The following TRIM6 variants were observed in gnomAD, a reference collection of about 807,000 sequenced individuals.
TRIM6 encodes the protein tripartite motif containing 6, also known as tripartite motif-containing protein 6.
TRIM6 carries 43 observed loss-of-function variants against 51.2 expected under a neutral mutation model. The ratio of observed to expected loss-of-function variants is 0.84; its 90% CI spans 0.66 to 1.08. The LOEUF (loss-of-function observed/expected upper bound fraction) is 1.08, where lower values mean the gene tolerates loss of function less well. Among genes scored for constraint, TRIM6 ranks in the 50% least tolerant of loss-of-function variants. The pLI is 0.00. For synonymous variants in TRIM6, 215 were observed against 232.4 expected (o/e 0.93, Z 0.68); for missense variants, 669 against 619.0 (o/e 1.08, Z -0.86).
Position 5,605,348 on chromosome 11 carries a change from G to A in TRIM6, c.615G>A (p.Glu205=). The change falls in exon 4 of 8, where the codon GAG becomes GAA. Residue 205 remains glutamate (E), a synonymous_variant. Transcript: ENST00000380097. ...EKKTSWKNQM[E]PERCRIQTEF... Reference sequence around the variant, plus strand: ...CCCTGTTCCTGAAGAATCAGATGGAGCCTGAGAGATGCAGGATCCAGACAG... The same window carrying A: ...CCCTGTTCCTGAAGAATCAGATGGAACCTGAGAGATGCAGGATCCAGACAG... The A allele has an allele frequency of 1.9e-6, 3 of 1,614,128 alleles. No individual in the cohort carries two copies. Among genetic ancestry groups the A allele is most frequent in the Non-Finnish European group, 1.7e-6 (2 of 1,180,034 alleles).
intron 2 of TRIM6, 56 bp from the exon 3 acceptor site, chr11:5,604,478 G>A: frequency 6.4e-7 from 1 of 1,561,658 alleles, no homozygotes. Flanking sequence ...TTCTATGTCT[G>A]GGTACTGAGT....
Position 5,599,239 on chromosome 11 carries a change from G to A in TRIM6, c.17+2325G>A, listed in dbSNP as rs535589858. 2.0e-5 allele frequency among the ~76,000 whole-genome samples: 3 copies of A among 152,206 alleles called. No individual in the cohort carries two copies. The East Asian group carries it at 5.8e-4, about 29-fold the overall frequency. On this transcript the variant is annotated intron_variant, in intron 1 of 7. Coordinates refer to ENST00000380097, the MANE Select transcript of TRIM6 (RefSeq NM_001003818.3). The stretch of plus-strand genomic sequence containing the variant: ...TTCAGTTTGGGACTATTACTACATT[G>A]CATTTATGAGGCAGTAGTTCTCCTT...
chr11:5,603,822 G>T (rs961530350), intron 2 of TRIM6, 87 bp downstream of exon 2: 7 of 1,510,930 alleles, frequency 4.6e-6, no homozygotes, highest in Non-Finnish European at 6.2e-6. Context: ...TAATCTCTTT[G>T]TAGTCTTTAT....
rs1848006733 is a variant in TRIM6 at position 5,603,604 on chromosome 11, G to A, written c.376G>A (p.Ala126Thr). 6.2e-7 allele frequency: 1 copy of A among 1,613,848 alleles called. No homozygotes were observed. Among genetic ancestry groups the A allele is most frequent in the Non-Finnish European group, 8.5e-7 (1 of 1,180,004 alleles). The change falls in exon 2 of 8, where the codon GCA becomes ACA. Residue 126 changes from alanine (A) to threonine (T), a missense_variant. Ala to Thr is a moderately conservative substitution (Grantham distance 58). Transcript: ENST00000380097. ...PGKQLKAVLC[A>T]DHGEKLQLFC... ...GAAGCAGCTGAAAGCAGTTCTTTGTGCAGACCATGGAGAAAAACTGCAGCT... is the reference window on the plus strand; with the variant it reads ...GAAGCAGCTGAAAGCAGTTCTTTGTACAGACCATGGAGAAAAACTGCAGCT...
At chr11:5,603,190 C>A (rs2133831935) in intron 1 of TRIM6, 56 bp from the exon 2 acceptor site, 2 of 1,570,004 alleles carry the variant, frequency 1.3e-6, no homozygotes, top group South Asian at 2.4e-5. Flanking sequence ...GTCAGTATTC[C>A]CTTATTCTCC....
chr11:5,603,821 T>C (rs1274703039), intron 2 of TRIM6, 86 bp downstream of exon 2: 13 of 1,512,342 alleles, frequency 8.6e-6, no homozygotes, highest in African/African-American at 1.4e-5. Context: ...CTAATCTCTT[T>C]GTAGTCTTTA....
chr11:5,607,505 TC>T (rs1157266196), intron 4 of TRIM6, among the ~76,000 whole-genome samples: 1 of 152,182 alleles, frequency 6.6e-6, no homozygotes, highest in Non-Finnish European at 1.5e-5. Flanking sequence ...AAGCTTTTCT[TC>T]GGGGTCATTG....
intron 3 of TRIM6, 127 bp from the exon 4 acceptor site, chr11:5,605,210 T>C (rs1848132665): frequency 7.9e-7 from 1 of 1,268,374 alleles, no homozygotes; most frequent in East Asian, 2.3e-5. Context: ...TCCTGCAGCA[T>C]TTACCCTCCC....
rs904518527 is a variant in TRIM6, at chr11:5,612,903, T to C, written c.*1561T>C. ...ATAACTTTTCCTTTGTGTATTGCAA[T>C]GATAATATGTTGGCTCTATTGGATT... is the stretch of plus-strand genomic sequence containing the variant. On this transcript the variant is annotated 3_prime_UTR_variant, in exon 8 of 8. Coordinates refer to ENST00000380097, the MANE Select transcript of TRIM6 (RefSeq NM_001003818.3). 2.0e-5 allele frequency: 3 copies of C among 152,252 alleles called. No individual in the cohort carries two copies. In the East Asian group the frequency reaches 5.8e-4, roughly 29 times the overall value. 9.4% of individuals were successfully genotyped at this position (152,252 alleles called of 1,614,324 possible).
At chr11:5,597,361 T>G (rs1023832384) in intron 1 of TRIM6, among the ~76,000 whole-genome samples, 5 of 152,196 alleles carry the variant, frequency 3.3e-5, no homozygotes, top group Admixed American at 2.6e-4. Flanking sequence ...TTTAAAAAAA[T>G]GCACAATCAA....
chr11:5,603,796 T>G, intron 2 of TRIM6, 61 bp downstream of exon 2: 1 of 1,582,504 alleles, frequency 6.3e-7, no homozygotes, highest in Admixed American at 1.7e-5. Flanking sequence ...TTTTAACGTT[T>G]TATCATGCTC....
chr11:5,604,868 GC>G (rs539566217), intron 3 of TRIM6: 4 of 472,956 alleles, frequency 8.5e-6, no homozygotes, highest in East Asian at 7.5e-5. Context: ...GCTAGGGGTC[GC>G]CCCAATTCAT....
intron 2 of TRIM6, among the ~76,000 whole-genome samples, chr11:5,604,188 G>C (rs1848060775): frequency 6.6e-6 from 1 of 151,866 alleles, no homozygotes; most frequent in Non-Finnish European, 1.5e-5. Flanking sequence ...GTGTGTGTGT[G>C]TGTTTAGTAG....
At chr11:5,596,343 G>A (rs974799504), upstream of TRIM6, among the ~76,000 whole-genome samples, 1 of 152,114 alleles carries the variant, frequency 6.6e-6, no homozygotes, top group Non-Finnish European at 1.5e-5. Flanking sequence ...AGGGAGCACA[G>A]AAGAGGCACC....
chr11:5,601,540 T>C (rs1182413888), intron 1 of TRIM6, among the ~76,000 whole-genome samples: 2 of 152,066 alleles, frequency 1.3e-5, no homozygotes, highest in African/African-American at 4.8e-5. Flanking sequence ...GGCAGATCAC[T>C]TGAGGTCAGG....
At chr11:5,599,771 C>A (rs1847723662) in intron 1 of TRIM6, among the ~76,000 whole-genome samples, 1 of 152,182 alleles carries the variant, frequency 6.6e-6, no homozygotes, top group South Asian at 2.1e-4. Context: ...CTAGTGCCAA[C>A]ATCAAGGCCA....
rs376937201 is a variant in TRIM6, at chr11:5,605,521, C to T, written c.788C>T (p.Ser263Leu). ...ACCCAGTCGCTGCGAGAGCTCATCT[C>T]GGATCTGGAGCGTCGATGTCAGGGG... ...HQTQSLRELISDLERRCQGST... is the reference protein window; with the variant it reads ...HQTQSLRELILDLERRCQGST... The change falls in exon 4 of 8, where the codon TCG (serine) becomes TTG (leucine). Residue 263 changes from serine to leucine, a missense_variant. Ser to Leu is a moderately radical substitution (Grantham distance 145). Coordinates refer to ENST00000380097, the MANE Select transcript of TRIM6 (RefSeq NM_001003818.3). The T allele has an allele frequency of 5.0e-6, 8 of 1,613,902 alleles. No homozygotes were observed. The highest frequency in any genetic ancestry group is 2.7e-5 in the African/African-American group (2 of 74,886).
At chr11:5,609,126 C>A (rs780870256) in intron 5 of TRIM6, among the ~76,000 whole-genome samples, 14 of 152,068 alleles carry the variant, frequency 9.2e-5, no homozygotes, top group Non-Finnish European at 1.9e-4. Context: ...GCCCGGGAAT[C>A]AAACATGTTC....
In TRIM6 at chr11:5,603,378, A is replaced by T; in HGVS notation, c.150A>T (p.Leu50=). ...EVTCPICLEL[L]TEPLSIDCGH... ...CCTGCCCTATCTGCCTGGAGCTCCT[A>T]ACAGAACCCCTGAGCATAGACTGTG... is the stretch of plus-strand genomic sequence containing the variant. Residue 50 remains leucine (L), a synonymous_variant, in exon 2 of 8, where the codon CTA becomes CTT. Coordinates refer to ENST00000380097, the MANE Select transcript of TRIM6 (RefSeq NM_001003818.3). 6.2e-7 allele frequency: 1 copy of T among 1,614,066 alleles called. No homozygotes were observed. Among genetic ancestry groups the T allele is most frequent in the South Asian group, 1.1e-5 (1 of 91,068 alleles).
Sources: gnomAD v4.1 joint callset for allele counts (sites outside exome capture counted in the v4.1 genomes callset) on GRCh38, gnomAD v4.1.1 for gene constraint, MANE v1.5 for transcripts, NCBI Gene and HGNC (gene_info 2026-07-23, HGNC 2026-07-21) for gene names.